Variants in GRID2 observed in about 807,000 individuals in gnomAD.
GRID2 encodes glutamate ionotropic receptor delta type subunit 2, also known as glutamate receptor ionotropic, delta-2.
Under a neutral mutation model 114.8 loss-of-function variants are expected in GRID2, and 33 were observed. The ratio of observed to expected loss-of-function variants is 0.29; its 90% CI spans 0.22 to 0.38. The LOEUF is 0.38. Ranked by LOEUF, GRID2 falls within the 10% of genes least tolerant of loss-of-function variation. The probability of loss-of-function intolerance (pLI) is 1.00; values close to 1 mark genes in which losing one functional copy is unlikely to be tolerated. For synonymous variants in GRID2, 505 were observed against 449.9 expected, an observed-to-expected ratio of 1.12 and a Z score of -1.55; for missense variants, 1,184 against 1,257.7, an observed-to-expected ratio of 0.94 and a Z score of 0.89.
intron 4 of GRID2, among the ~76,000 whole-genome samples, chr4:93,163,343 A>AT (rs201428577): frequency 5.9e-4 from 60 of 102,486 alleles, no homozygotes; most frequent in Non-Finnish European, 8.8e-4. Context: ...TCCACTTCTG[A>AT]TTTTTTTTTT....
chr4:92,809,064 A>G (rs1740548150), intron 2 of GRID2, among the ~76,000 whole-genome samples: 1 of 151,988 alleles, frequency 6.6e-6, no homozygotes, highest in South Asian at 2.1e-4. Flanking sequence ...TTTGAGCAAG[A>G]AAAGATACTC....
intron 13 of GRID2, among the ~76,000 whole-genome samples, chr4:93,612,750 T>G (rs1741091757): frequency 1.1e-5 from 1 of 93,932 alleles, no homozygotes; most frequent in Admixed American, 1.1e-4. Context: ...TAACATTTTT[T>G]CCTTCATTTC....
intron 2 of GRID2, among the ~76,000 whole-genome samples, chr4:92,656,295 A>G (rs1274593778): frequency 6.6e-6 from 1 of 151,632 alleles, no homozygotes; most frequent in Admixed American, 6.6e-5. Flanking sequence ...TCTGATGATA[A>G]TAAACATCTC....
chr4:92,375,256 A>C (rs944428951), intron 1 of GRID2, among the ~76,000 whole-genome samples: 1 of 152,204 alleles, frequency 6.6e-6, no homozygotes, highest in Admixed American at 6.6e-5. Flanking sequence ...TAAGAAAGAC[A>C]TAGAATCATG....
At chr4:92,811,208 A>G (rs778566558) in intron 2 of GRID2, among the ~76,000 whole-genome samples, 11 of 152,168 alleles carry the variant, frequency 7.2e-5, no homozygotes, top group Non-Finnish European at 1.3e-4. Flanking sequence ...AATAAAAAGT[A>G]TAATTTTCTA....
intron 2 of GRID2, among the ~76,000 whole-genome samples, chr4:92,742,420 G>A (rs988798523): frequency 1.2e-4 from 18 of 151,814 alleles, no homozygotes; most frequent in Non-Finnish European, 1.3e-4. Context: ...CCTACCCCAG[G>A]ATTTTTCTTC....
At chr4:93,253,076 C>G (rs1365119617) in intron 8 of GRID2, among the ~76,000 whole-genome samples, 1 of 140,554 alleles carries the variant, frequency 7.1e-6, no homozygotes, top group African/African-American at 2.8e-5. Flanking sequence ...GGTGAAACCC[C>G]GTCTCTACTA....
intron 4 of GRID2, among the ~76,000 whole-genome samples, chr4:93,181,984 A>G (rs1222767442): frequency 6.6e-6 from 1 of 152,184 alleles, no homozygotes; most frequent in East Asian, 1.9e-4. Context: ...GTAGGCTTAG[A>G]AAAAAAGGAT....
chr4:93,419,878 A>G (rs1407997346), intron 9 of GRID2, among the ~76,000 whole-genome samples: 2 of 152,144 alleles, frequency 1.3e-5, no homozygotes, highest in Admixed American at 6.5e-5. Context: ...TGAGTTAAAA[A>G]TGAAAAAGAA....
chr4:92,834,471 C>A (rs1457078265), intron 2 of GRID2, among the ~76,000 whole-genome samples: 1 of 151,966 alleles, frequency 6.6e-6, no homozygotes, highest in Non-Finnish European at 1.5e-5. Context: ...AAGATTAGTC[C>A]TTTTATGAGA....
Position 92,306,970 on chromosome 4 carries a change from C to T in GRID2, c.88+2226C>T, listed in dbSNP as rs1403145540. Reference sequence around the variant, plus strand: ...CTACCTAATATTGTCATGAGGCTAGCAAATTGTTTCAAAAACTTTATCTTT... The same window carrying T: ...CTACCTAATATTGTCATGAGGCTAGTAAATTGTTTCAAAAACTTTATCTTT... On this transcript the variant is annotated intron_variant, in intron 1 of 15. Coordinates refer to ENST00000282020, the MANE Select transcript of GRID2 (RefSeq NM_001510.4). Among the ~76,000 whole-genome samples, 9 of 151,968 alleles carry T rather than the reference C, an allele frequency of 5.9e-5. No homozygotes were observed. The East Asian group carries it at 1.7e-3, about 29-fold the overall frequency.
intron 1 of GRID2, among the ~76,000 whole-genome samples, chr4:92,459,890 G>A (rs1286233440): frequency 1.3e-5 from 2 of 150,822 alleles, no homozygotes; most frequent in East Asian, 4.0e-4. Context: ...GACCTCCATG[G>A]AAGAAGAGAG....
intron 4 of GRID2, among the ~76,000 whole-genome samples, chr4:93,148,390 T>C (rs763389398): frequency 6.6e-6 from 1 of 151,964 alleles, no homozygotes; most frequent in South Asian, 2.1e-4. Context: ...AGCCCATACA[T>C]AGAAGACAAA....
chr4:92,590,548 T>C (rs540477757), intron 2 of GRID2, among the ~76,000 whole-genome samples: 1 of 152,316 alleles, frequency 6.6e-6, no homozygotes, highest in Admixed American at 6.5e-5. Flanking sequence ...GCAACATTTT[T>C]ATGACTTCAG....
At chr4:92,587,347 G>T (rs1728500376) in intron 1 of GRID2, among the ~76,000 whole-genome samples, 1 of 151,962 alleles carries the variant, frequency 6.6e-6, no homozygotes, top group South Asian at 2.1e-4. Flanking sequence ...TATAGTATTG[G>T]ATTATCTAGA....
intron 1 of GRID2, among the ~76,000 whole-genome samples, chr4:92,442,759 G>A (rs1244448210): frequency 6.6e-6 from 1 of 152,050 alleles, no homozygotes; most frequent in African/African-American, 2.4e-5. Flanking sequence ...GAACTGGGCT[G>A]GATTTTTATA....
chr4:93,054,515 T>C (rs1265127871), intron 2 of GRID2, among the ~76,000 whole-genome samples: 1 of 151,846 alleles, frequency 6.6e-6, no homozygotes, highest in Non-Finnish European at 1.5e-5. Context: ...GCTGATTTGT[T>C]GACAAATTTG....
intron 13 of GRID2, among the ~76,000 whole-genome samples, chr4:93,612,951 A>G (rs1319035289): frequency 7.5e-5 from 11 of 147,242 alleles, no homozygotes; most frequent in African/African-American, 2.0e-4. Flanking sequence ...AGGTACACCA[A>G]TCAGACGTAG....
At chr4:93,341,668 A>G (rs1375570890) in intron 8 of GRID2, among the ~76,000 whole-genome samples, 1 of 152,082 alleles carries the variant, frequency 6.6e-6, no homozygotes, top group Non-Finnish European at 1.5e-5. Context: ...TTGTGATTTC[A>G]TCCTGAAACT....
Sources: gnomAD v4.1 joint callset for allele counts (sites outside exome capture counted in the v4.1 genomes callset) on GRCh38, gnomAD v4.1.1 for gene constraint, MANE v1.5 for transcripts, NCBI Gene and HGNC (gene_info 2026-07-23, HGNC 2026-07-21) for gene names.